The following MTMR8 variants were observed in gnomAD, a reference collection of about 807,000 sequenced individuals.
MTMR8 encodes the protein phosphatidylinositol-3,5-bisphosphate 3-phosphatase MTMR8.
A neutral mutation model predicts 39.3 loss-of-function variants in MTMR8; 65 were observed. The ratio of observed to expected loss-of-function variants is 1.65; its 90% CI spans 1.35 to 2.03. MTMR8 has a LOEUF of 2.03. MTMR8 is among the 30% of genes most tolerant of loss of function. MTMR8 has a pLI of 0.00. For synonymous variants in MTMR8, 245 were observed against 185.2 expected (o/e 1.32, Z -2.62); for missense variants, 777 against 538.9 (o/e 1.44, Z -4.37).
In MTMR8 at chrX:64,274,234, G is replaced by T. The variant is rs777178412; in HGVS notation, c.1482-3161C>A. ...AAAGAGAGCTTATCAAATTTAAGAA[G>T]ATTAAAATCATACCAAGTATTTTCT... On this transcript the variant is annotated intron_variant, in intron 12 of 13. Coordinates refer to ENST00000374852, the MANE Select transcript of MTMR8 (RefSeq NM_017677.4). Among the ~76,000 whole-genome samples, 3 of 112,078 alleles carry T rather than the reference G, an allele frequency of 2.7e-5. No homozygotes were observed. The South Asian group carries it at 1.1e-3, about 41-fold the overall frequency.
At chrX:64,290,908 G>C (rs1030187230) in intron 12 of MTMR8, among the ~76,000 whole-genome samples, 1 of 111,771 alleles carries the variant, frequency 8.9e-6, no homozygotes, top group African/African-American at 3.2e-5. Context: ...GAATAAAAAT[G>C]CTATAAGTAT....
rs1486369055 is a variant in MTMR8, at chrX:64,348,563, C to G, written c.732+97G>C. On this transcript the variant is annotated intron_variant, in intron 6 of 13. Transcript: ENST00000374852. The stretch of plus-strand genomic sequence containing the variant: ...GTCTGACATAATAAACACACATACA[C>G]AAACCTAACTTTCCCAATAACACTG... The G allele has an allele frequency of 7.6e-6, 8 of 1,050,642 alleles. No individual in the cohort carries two copies. The South Asian group carries it at 1.1e-4, about 14-fold the overall frequency. The allele number at this position is 1,050,642 out of a possible 1,213,427, so 86.6% of individuals were successfully genotyped here. A position where few individuals can be genotyped will look rare whatever the true frequency, so the allele number is the denominator to read the frequency against.
At chrX:64,326,696 T>G (rs1468060617) in intron 12 of MTMR8, among the ~76,000 whole-genome samples, 1 of 110,145 alleles carries the variant, frequency 9.1e-6, no homozygotes, top group Non-Finnish European at 1.9e-5. Flanking sequence ...AAAAGAATCC[T>G]AAAATTTGTA....
chrX:64,291,726 G>A (rs1203273487), intron 12 of MTMR8, among the ~76,000 whole-genome samples: 2 of 111,551 alleles, frequency 1.8e-5, no homozygotes, highest in Non-Finnish European at 3.8e-5. Flanking sequence ...TAAGTGCTTG[G>A]GACTCAGAAT....
intron 2 of MTMR8, among the ~76,000 whole-genome samples, chrX:64,356,795 C>A (rs1477044992): frequency 9.1e-6 from 1 of 109,900 alleles, no homozygotes; most frequent in Non-Finnish European, 1.9e-5. Context: ...TTAAGAAGAG[C>A]CATTTGACGT....
intron 7 of MTMR8, 33 bp from the exon 8 acceptor site, chrX:64,343,753 C>G: frequency 2.0e-6 from 2 of 987,281 alleles, no homozygotes; most frequent in Non-Finnish European, 2.9e-6. Flanking sequence ...GATTGAAATT[C>G]ACAATCAACT....
intron 1 of MTMR8, among the ~76,000 whole-genome samples, chrX:64,392,767 C>G (rs981762274): frequency 9.0e-6 from 1 of 110,938 alleles, no homozygotes; most frequent in African/African-American, 3.3e-5. Context: ...CAAGCAAGAG[C>G]CAAAAATAAA....
intron 8 of MTMR8, among the ~76,000 whole-genome samples, chrX:64,339,989 C>G (rs1445384935): frequency 9.0e-6 from 1 of 111,537 alleles, no homozygotes; most frequent in African/African-American, 3.3e-5. Context: ...CTGTTCAGCT[C>G]AGCTAAGACT....
chrX:64,305,517 G>A, intron 12 of MTMR8: 1 of 366,879 alleles, frequency 2.7e-6, no homozygotes, highest in Non-Finnish European at 5.0e-6. Context: ...CCACAAGTAT[G>A]AAAGAGCATC....
chrX:64,323,329 C>A (rs1217850647), intron 12 of MTMR8, among the ~76,000 whole-genome samples: 2 of 111,945 alleles, frequency 1.8e-5, no homozygotes, highest in East Asian at 2.8e-4. Flanking sequence ...AAAAGAAGTT[C>A]ATTATATAAT....
At chrX:64,356,658 A>C (rs1330063303) in intron 2 of MTMR8, among the ~76,000 whole-genome samples, 1 of 111,206 alleles carries the variant, frequency 9.0e-6, no homozygotes, top group Non-Finnish European at 1.9e-5. Flanking sequence ...TAGAGTTCAC[A>C]ATCAGAATAA....
intron 12 of MTMR8, among the ~76,000 whole-genome samples, chrX:64,314,926 C>T (rs748081809): frequency 7.2e-5 from 8 of 111,443 alleles, no homozygotes; most frequent in Non-Finnish European, 3.8e-5. Flanking sequence ...CAGGCTGGGG[C>T]CCTAAGAGAG....
Position 64,268,811 on chromosome X carries a change from T to C in MTMR8, c.1841A>G (p.Glu614Gly). Residue 614 changes from glutamate (E) to glycine (G), a missense_variant, in exon 14 of 14, where the codon GAG becomes GGG. Physicochemically the swap from Glu to Gly is moderately conservative, Grantham distance 98. Transcript: ENST00000374852. ...TATGGCCCTAAGGCTGCCCACAATC[T>C]CACAACAGTTATGGTGGAGGTCTGC... ...QGADLHHNCC[E>G]IVGSLRAINI... 1 of 1,211,559 alleles carries C rather than the reference T, an allele frequency of 8.3e-7. No individual in the cohort carries two copies. The highest frequency in any genetic ancestry group is 1.1e-6 in the Non-Finnish European group (1 of 895,518).
chrX:64,365,167 C>A (rs1239807192), intron 1 of MTMR8, among the ~76,000 whole-genome samples: 1 of 111,408 alleles, frequency 9.0e-6, no homozygotes, highest in African/African-American at 3.3e-5. Flanking sequence ...GAGAATGGAA[C>A]CAAGTTGGAA....
chrX:64,291,525 A>T (rs1921396864), intron 12 of MTMR8, among the ~76,000 whole-genome samples: 1 of 110,270 alleles, frequency 9.1e-6, no homozygotes, highest in Non-Finnish European at 1.9e-5. Context: ...TGAACACCCC[A>T]CACACCCCTC....
In MTMR8 at chrX:64,348,633, T is replaced by C. The variant is rs1379513956; in HGVS notation, c.732+27A>G. 3.3e-6 allele frequency: 4 copies of C among 1,205,729 alleles called. No individual in the cohort carries two copies. The Admixed American group carries it at 6.6e-5, about 20-fold the overall frequency. On this transcript the variant is annotated intron_variant, in intron 6 of 13. Transcript: ENST00000374852. ...AGGTAGAATGCAAGAGGCAGAAATA[T>C]CAAAGAAATCACTGAGAAATAGATA...
Position 64,268,300 on chromosome X carries a change from G to T in MTMR8, c.*237C>A. 3 of 370,103 alleles carry T rather than the reference G, an allele frequency of 8.1e-6. No homozygotes were observed. The highest frequency in any genetic ancestry group is 4.6e-6 in the Non-Finnish European group (1 of 218,278). The allele number at this position is 370,103 out of a possible 1,213,427, so 30.5% of individuals were successfully genotyped here. A position where few individuals can be genotyped will look rare whatever the true frequency, so the allele number is the denominator to read the frequency against. Reference sequence around the variant, plus strand: ...TCAGCTGAGAGGCAACATTTCTATAGTTAAATCCCATTTTAGAACAATAAC... The same window carrying T: ...TCAGCTGAGAGGCAACATTTCTATATTTAAATCCCATTTTAGAACAATAAC... On this transcript the variant is annotated 3_prime_UTR_variant, in exon 14 of 14. Transcript: ENST00000374852.
intron 4 of MTMR8, among the ~76,000 whole-genome samples, chrX:64,354,055 A>G (rs1483839401): frequency 1.8e-5 from 2 of 110,297 alleles, no homozygotes; most frequent in Non-Finnish European, 1.9e-5. Flanking sequence ...TGAAATGAAC[A>G]AAGCATAGAA....
intron 1 of MTMR8, among the ~76,000 whole-genome samples, chrX:64,371,044 C>T (rs1208549476): frequency 3.6e-5 from 4 of 111,465 alleles, no homozygotes. Flanking sequence ...GTAATCCCAG[C>T]TACTTGGGAG....
Sources: gnomAD v4.1 joint callset for allele counts (sites outside exome capture counted in the v4.1 genomes callset) on GRCh38, gnomAD v4.1.1 for gene constraint, MANE v1.5 for transcripts, NCBI Gene and HGNC (gene_info 2026-07-23, HGNC 2026-07-21) for gene names.